PTMA: variants seen among roughly 807,000 people sequenced by gnomAD.
PTMA encodes the protein prothymosin alpha, also known as gene sequence 28.
In PTMA, 4 loss-of-function variants were observed where a neutral mutation model predicts 16.9. The observed-to-expected ratio is 0.24, with a 90% confidence interval of 0.12 to 0.54. The LOEUF (loss-of-function observed/expected upper bound fraction) is 0.54. Ranked by LOEUF, PTMA falls within the 20% of genes least tolerant of loss-of-function variation. The pLI, the probability that PTMA is intolerant of heterozygous loss-of-function variation, is 0.95. For synonymous variants in PTMA, 58 were observed against 47.9 expected, an observed-to-expected ratio of 1.21 and a Z score of -0.87; for missense variants, 120 against 137.7, an observed-to-expected ratio of 0.87 and a Z score of 0.64.
chr2:231,710,244 A>T (rs764167979), intron 1 of PTMA: 3 of 1,335,096 alleles, frequency 2.2e-6, no homozygotes, highest in East Asian at 3.0e-5. Context: ...CGGCCGACCG[A>T]CGCGCGACCC....
intron 1 of PTMA, chr2:231,709,716 G>C (rs1214417694): frequency 6.5e-6 from 1 of 153,054 alleles, no homozygotes; most frequent in African/African-American, 2.4e-5. Flanking sequence ...TGTTGTCGGC[G>C]CCGCCTCGGT....
In PTMA at chr2:231,708,613, C is replaced by T. The variant is rs1220106113; in HGVS notation, c.-94C>T. 9.1e-6 allele frequency: 14 copies of T among 1,538,906 alleles called. No homozygotes were observed. Among genetic ancestry groups the T allele is most frequent in the East Asian group, 2.2e-5 (1 of 44,498 alleles). On this transcript the variant is annotated 5_prime_UTR_variant, in exon 1 of 5. Coordinates refer to ENST00000409115, the MANE Select transcript of PTMA (RefSeq NM_002823.5). ...CAGCCGCCTCCGCCGCGCGCCTCCT[C>T]CGCCGCCGCGGACTCCGGCAGCTTT... is the stretch of plus-strand genomic sequence containing the variant.
At position 231,709,150 on chromosome 2, in the gene PTMA, G is replaced by T. The variant is rs138163409; in HGVS notation, c.45+399G>T. Among the ~76,000 whole-genome samples the T allele has an allele frequency of 7.4e-3, 1,134 of 152,272 alleles. 17 individuals are homozygous for T. Among genetic ancestry groups the T allele is most frequent in the African/African-American group, 0.025 (1,046 of 41,568 alleles). On this transcript the variant is annotated intron_variant, in intron 1 of 4. Transcript: ENST00000409115. Reference sequence around the variant, plus strand: ...GCGTTGGGAATCGGAAGTGCTGGGGGGCGCGTGTTGGGGCGCGGGCCGGCC... The same window carrying T: ...GCGTTGGGAATCGGAAGTGCTGGGGTGCGCGTGTTGGGGCGCGGGCCGGCC...
intron 3 of PTMA, 133 bp downstream of exon 3, chr2:231,712,116 G>A (rs1294525865): frequency 2.7e-6 from 4 of 1,466,066 alleles, no homozygotes; most frequent in Non-Finnish European, 3.7e-6. Flanking sequence ...CATGGCCCTG[G>A]GCACCCACCT....
At chr2:231,709,963 C>A in intron 1 of PTMA, 2 of 836,902 alleles carry the variant, frequency 2.4e-6, no homozygotes, top group Non-Finnish European at 3.2e-6. Context: ...CAGGGGCTCT[C>A]AGTGACCCCT....
chr2:231,713,339 T>A lies in PTMA; in HGVS notation c.*488T>A, dbSNP rs563591878. Reference sequence around the variant, plus strand: ...ATCTTATTCCGAGCATTCCAGTAACTTTTTTGTGTATGTACTTAGCTGTAC... The same window carrying A: ...ATCTTATTCCGAGCATTCCAGTAACATTTTTGTGTATGTACTTAGCTGTAC... On this transcript the variant is annotated 3_prime_UTR_variant, in exon 5 of 5. Transcript: ENST00000409115. The A allele has an allele frequency of 1.6e-5, 8 of 509,920 alleles. No homozygotes were observed. Among genetic ancestry groups the A allele is most frequent in the Non-Finnish European group, 2.8e-5 (7 of 252,400 alleles). 31.6% of individuals were successfully genotyped at this position (509,920 alleles called of 1,614,324 possible).
At chr2:231,708,834 C>T (rs543643064) in intron 1 of PTMA, 83 bp downstream of exon 1, 4 of 1,492,786 alleles carry the variant, frequency 2.7e-6, no homozygotes, top group Admixed American at 2.0e-5. Flanking sequence ...TGGACTGTCT[C>T]AAGCCCGCTG....
At chr2:231,710,408 C>A in intron 1 of PTMA, 2 of 1,151,058 alleles carry the variant, frequency 1.7e-6, no homozygotes, top group South Asian at 8.7e-5. Context: ...CTGCGCGCCG[C>A]GACCTCCCTG....
intron 1 of PTMA, chr2:231,709,916 C>G (rs2048494540): frequency 2.2e-6 from 1 of 453,548 alleles, no homozygotes. Context: ...CCAGGGGCGA[C>G]TTCTTGGCAG....
intron 1 of PTMA, 92 bp downstream of exon 1, chr2:231,708,843 T>G: frequency 7.0e-7 from 1 of 1,434,080 alleles, no homozygotes; most frequent in Non-Finnish European, 9.4e-7. Flanking sequence ...TCAAGCCCGC[T>G]GTTGCTCCCT....
chr2:231,710,366 C>T (rs1383948136), intron 1 of PTMA: 24 of 1,198,714 alleles, frequency 2.0e-5, no homozygotes, highest in Admixed American at 4.5e-5. Flanking sequence ...CCGAGGCCCG[C>T]GCGCAAAGCC....
chr2:231,709,108 A>G (rs1341920569), intron 1 of PTMA, among the ~76,000 whole-genome samples: 2 of 152,126 alleles, frequency 1.3e-5, no homozygotes, highest in South Asian at 2.1e-4. Context: ...GCACGGAAAT[A>G]ACTTTGAAAC....
intron 1 of PTMA, chr2:231,709,961 C>T: frequency 1.2e-6 from 1 of 826,718 alleles, no homozygotes; most frequent in Non-Finnish European, 1.6e-6. Context: ...CACAGGGGCT[C>T]TCAGTGACCC....
rs142454472 is a variant in PTMA, at chr2:231,712,569, G to A, written c.285+53G>A. 5,064 of 1,573,878 alleles carry A rather than the reference G, an allele frequency of 3.2e-3. 43 individuals are homozygous for A. The highest frequency in any genetic ancestry group is 0.012 in the South Asian group (1,115 of 89,934). ...GTTTGGCATCTGGGTCTCCCCACCT[G>A]CCTTTAGCTGAGGTGCTCAAGCTGC... On this transcript the variant is annotated intron_variant, in intron 4 of 4. Transcript: ENST00000409115.
intron 1 of PTMA, chr2:231,710,680 C>T (rs2048506918): frequency 2.4e-6 from 1 of 415,306 alleles, no homozygotes; most frequent in Non-Finnish European, 5.0e-6. Context: ...CCCCGAGGTG[C>T]TGTCGGGATC....
intron 1 of PTMA, 90 bp downstream of exon 1, chr2:231,708,841 G>A: frequency 6.9e-7 from 1 of 1,448,282 alleles, no homozygotes. Context: ...TCTCAAGCCC[G>A]CTGTTGCTCC....
chr2:231,709,953 C>T, intron 1 of PTMA: 3 of 745,780 alleles, frequency 4.0e-6, no homozygotes, highest in Non-Finnish European at 5.4e-6. Flanking sequence ...CGGATCTCCA[C>T]AGGGGCTCTC....
intron 1 of PTMA, 107 bp downstream of exon 1, chr2:231,708,858 C>G: frequency 3.7e-6 from 5 of 1,334,430 alleles, no homozygotes; most frequent in Non-Finnish European, 5.1e-6. Flanking sequence ...CTCCCTCTCG[C>G]GGGGAAACGG....
chr2:231,710,204 T>G, intron 1 of PTMA: 1 of 1,327,962 alleles, frequency 7.5e-7, no homozygotes, highest in Non-Finnish European at 9.7e-7. Context: ...CCTGCCGGGG[T>G]GGCGGCAGTG....
Sources: gnomAD v4.1 joint callset for allele counts (sites outside exome capture counted in the v4.1 genomes callset) on GRCh38, gnomAD v4.1.1 for gene constraint, MANE v1.5 for transcripts, NCBI Gene and HGNC (gene_info 2026-07-23, HGNC 2026-07-21) for gene names.